The following CROCC variants were observed in gnomAD, a reference collection of about 807,000 sequenced individuals.
CROCC encodes rootletin.
CROCC carries 180 observed loss-of-function variants against 245.2 expected under a neutral mutation model. That is an observed-to-expected ratio of 0.73 (90% confidence interval 0.65 to 0.83). The LOEUF is 0.83. CROCC is among the 40% of genes least tolerant of loss of function. The pLI, the probability that CROCC is intolerant of heterozygous loss-of-function variation, is 0.00. For synonymous variants in CROCC, 1,205 were observed against 1,241.6 expected, an observed-to-expected ratio of 0.97 and a Z score of 0.62; for missense variants, 2,688 against 2,779.4, an observed-to-expected ratio of 0.97 and a Z score of 0.74.
rs2075625892 is a variant in CROCC, at chr1:16,929,896, CA to C, written c.403del (p.Arg135GlyfsTer72). 1 of 1,587,782 alleles carries C rather than the reference CA, an allele frequency of 6.3e-7. No homozygotes were observed. The highest frequency in any genetic ancestry group is 1.8e-5 in the Admixed American group (1 of 55,878). On this transcript the variant is annotated frameshift_variant, in exon 4 of 37. Transcript: ENST00000375541. LOFTEE classifies it high-confidence loss of function. ...CTGGGGAGCTGGAGACGCAGGAGCC[CA>C]GGGGGCTGGTACGGCAGAGCGTGGA... ...EPGELETQEPRGLVRQSVELR... is the reference protein window; with the variant it reads ...EPGELETQEPXGLVRQSVELR...
intron 16 of CROCC, 60 bp from the exon 17 acceptor site, chr1:16,946,701 G>A (rs1168430791): frequency 6.7e-7 from 1 of 1,497,366 alleles, no homozygotes; most frequent in Non-Finnish European, 9.1e-7. Context: ...GGTGGAGGAG[G>A]CGTCCTGGTC....
At chr1:16,941,424 CAAA>C (rs954884941) in intron 13 of CROCC, 1 of 150,250 alleles carries the variant, frequency 6.7e-6, no homozygotes, top group Non-Finnish European at 1.5e-5. Flanking sequence ...GACTCCATCT[CAAA>C]AAAAAAATAA....
At chr1:16,934,888 G>A (rs1347535502) in intron 8 of CROCC, among the ~76,000 whole-genome samples, 9 of 137,626 alleles carry the variant, frequency 6.5e-5, no homozygotes, top group African/African-American at 2.1e-4. Flanking sequence ...ATTATCAGCA[G>A]TTTCTTTTTT....
Position 16,954,652 on chromosome 1 carries a change from G to A in CROCC, c.3322-82G>A. On this transcript the variant is annotated intron_variant, in intron 22 of 36. Transcript: ENST00000375541. The surrounding 1 kb of genome is among the most constrained non-coding windows in gnomAD (Gnocchi z 4.4). Reference sequence around the variant, plus strand: ...AGGGGCCGTGTTTAGAGCTAAAAGTGGACAGTGCACTGAGCGGGTTGGGAG... The same window carrying A: ...AGGGGCCGTGTTTAGAGCTAAAAGTAGACAGTGCACTGAGCGGGTTGGGAG... The A allele has an allele frequency of 6.9e-7, 1 of 1,458,248 alleles. No individual in the cohort carries two copies. Among genetic ancestry groups the A allele is most frequent in the Non-Finnish European group, 9.1e-7 (1 of 1,096,774 alleles). The allele number at this position is 1,458,248 out of a possible 1,614,324, so 90.3% of individuals were successfully genotyped here.
At chr1:16,946,132 A>G (rs189054034) in intron 15 of CROCC, 127 bp from the exon 16 acceptor site, 33,095 of 1,052,896 alleles carry the variant, frequency 0.031, no homozygotes, top group Middle Eastern at 0.049. Flanking sequence ...TCCATCTCAC[A>G]CTGTGTCCCC....
chr1:16,936,697 C>T lies in CROCC; in HGVS notation c.1017C>T (p.Gly339=), dbSNP rs778719341. The stretch of plus-strand genomic sequence containing the variant: ...CATCACGAGCTGTCCAGGAGGCGGG[C>T]CTGGGACTGAGCACGGGCCTACGGC... ...ARTSRAVQEA[G]LGLSTGLRLA... Residue 339 remains glycine, a synonymous_variant, in exon 9 of 37, where the codon GGC becomes GGT. Coordinates refer to ENST00000375541, the MANE Select transcript of CROCC (RefSeq NM_014675.5). The T allele has an allele frequency of 8.1e-6, 13 of 1,604,274 alleles. No homozygotes were observed. Among genetic ancestry groups the T allele is most frequent in the Non-Finnish European group, 1.1e-5 (13 of 1,176,194 alleles).
chr1:16,939,601 T>C (rs1482452227), intron 12 of CROCC, among the ~76,000 whole-genome samples: 7 of 151,330 alleles, frequency 4.6e-5, no homozygotes, highest in Admixed American at 1.3e-4. Flanking sequence ...GCCCTGGGGG[T>C]GGGATCAGAA....
Position 16,938,908 on chromosome 1 carries a change from G to T in CROCC, c.1375-1G>T. ...CTTCTGCCTCCCTCCCCCACCCTCA[G>T]GCCGTCTTGTCAGACTCTGAGAGCG... On this transcript the variant is annotated splice_acceptor_variant, in intron 11 of 36. Coordinates refer to ENST00000375541, the MANE Select transcript of CROCC (RefSeq NM_014675.5). LOFTEE classifies it high-confidence loss of function. 1 of 1,604,204 alleles carries T rather than the reference G, an allele frequency of 6.2e-7. No homozygotes were observed. The highest frequency in any genetic ancestry group is 8.5e-7 in the Non-Finnish European group (1 of 1,177,244).
At chr1:16,936,961 AG>A in intron 9 of CROCC, 88 bp downstream of exon 9, 1 of 1,341,462 alleles carries the variant, frequency 7.5e-7, no homozygotes, top group Non-Finnish European at 1.0e-6. Flanking sequence ...TCTGTTCACT[AG>A]GGGAAGGGCC....
chr1:16,970,161 C>A, intron 33 of CROCC, 92 bp from the exon 34 acceptor site: 1 of 1,338,140 alleles, frequency 7.5e-7, no homozygotes, highest in South Asian at 1.5e-5. Context: ...CCGTCGCCTG[C>A]TCTGTGAGTG....
Position 16,961,049 on chromosome 1 carries a change from C to T in CROCC, c.4324C>T (p.Arg1442Trp). Reference sequence around the variant, plus strand: ...GGGTGGCCTGCGCTCGGCTCTGCGCCGGGGCCTCGGCCTCGGTCGCGCGCC... The same window carrying T: ...GGGTGGCCTGCGCTCGGCTCTGCGCTGGGGCCTCGGCCTCGGTCGCGCGCC... Reference protein sequence around the residue: ...QLGGLRSALRRGLGLGRAPSP... With the variant: ...QLGGLRSALRWGLGLGRAPSP... The change falls in exon 27 of 37, where the codon CGG (arginine) becomes TGG (tryptophan). Residue 1442 changes from arginine to tryptophan, a missense_variant. Arg to Trp is a moderately radical substitution (Grantham distance 101). Coordinates refer to ENST00000375541, the MANE Select transcript of CROCC (RefSeq NM_014675.5). 1.5e-6 allele frequency: 2 copies of T among 1,333,682 alleles called. No individual in the cohort carries two copies. The highest frequency in any genetic ancestry group is 1.9e-6 in the Non-Finnish European group (2 of 1,048,072). 82.6% of individuals were successfully genotyped at this position (1,333,682 alleles called of 1,614,324 possible). A position where few individuals can be genotyped will look rare whatever the true frequency, so the allele number is the denominator to read the frequency against.
At position 16,930,367 on chromosome 1, in the gene CROCC, G is replaced by T. The variant is rs1251099428; in HGVS notation, c.683+20G>T. 6.2e-7 allele frequency: 1 copy of T among 1,611,080 alleles called. No homozygotes were observed. Among genetic ancestry groups the T allele is most frequent in the Non-Finnish European group, 8.5e-7 (1 of 1,179,670 alleles). On this transcript the variant is annotated intron_variant, in intron 6 of 36. Transcript: ENST00000375541. ...GCAGAGGTGAGGGCGCAGCAGGGAG[G>T]GCCAGGGCTGGCAGGATGGCCCCCT...
At position 16,961,010 on chromosome 1, in the gene CROCC, G is replaced by A. The variant is rs1341886950; in HGVS notation, c.4285G>A (p.Ala1429Thr). 1.5e-5 allele frequency: 19 copies of A among 1,304,322 alleles called. No homozygotes were observed. Among genetic ancestry groups the A allele is most frequent in the Non-Finnish European group, 1.5e-5 (15 of 1,033,348 alleles). 80.8% of individuals were successfully genotyped at this position (1,304,322 alleles called of 1,614,324 possible). Residue 1429 changes from alanine to threonine, a missense_variant, in exon 27 of 37, where the codon GCG (alanine) becomes ACG (threonine). Around this residue, in one of 9 missense-constraint regions of CROCC, gnomAD observed 1,218 missense variants for 1,286.3 expected, o/e 0.95. Coordinates refer to ENST00000375541, the MANE Select transcript of CROCC (RefSeq NM_014675.5). Reference protein sequence around the residue: ...LARVEVQRRAAEAQLGGLRSA... With the variant: ...LARVEVQRRATEAQLGGLRSA... ...CCGCGTGGAGGTGCAGCGGCGCGCG[G>A]CGGAGGCCCAGCTGGGTGGCCTGCG...
chr1:16,961,382 TCCCTCCTCA>T (rs1308619682), intron 27 of CROCC, among the ~76,000 whole-genome samples: 1 of 151,948 alleles, frequency 6.6e-6, no homozygotes, highest in East Asian at 1.9e-4. Context: ...CAAGTGGTCC[TCCCTCCTCA>T]GCCTCCTGAG....
In CROCC at chr1:16,929,844, A is replaced by G; in HGVS notation, c.352-2A>G. On this transcript the variant is annotated splice_acceptor_variant, in intron 3 of 36. Transcript: ENST00000375541. LOFTEE classifies it high-confidence loss of function. ...ACTCTCACCCAGGGCCCTTCCCTGC[A>G]GCTGGAGCAGGCTCTGCGGCTGGAG... is the stretch of plus-strand genomic sequence containing the variant. 6.5e-7 allele frequency: 1 copy of G among 1,549,476 alleles called. No individual in the cohort carries two copies. Among genetic ancestry groups the G allele is most frequent in the East Asian group, 2.3e-5 (1 of 42,990 alleles).
chr1:16,921,129 G>A (rs1029237536), upstream of CROCC, among the ~76,000 whole-genome samples: 1 of 152,284 alleles, frequency 6.6e-6, no homozygotes. Context: ...CATGTCATGT[G>A]CTGGGTATGC....
Position 16,940,041 on chromosome 1 carries a change from G to C in CROCC, c.1756G>C (p.Asp586His), listed in dbSNP as rs9435714. 348,966 of 1,572,448 alleles carry C rather than the reference G, an allele frequency of 0.22. 3 individuals carry two copies. Among genetic ancestry groups the C allele is most frequent in the East Asian group, 0.4 (17,442 of 43,870 alleles). The change falls in exon 13 of 37, where the codon GAC becomes CAC. Residue 586 changes from aspartate (D) to histidine (H), a missense_variant. Coordinates refer to ENST00000375541, the MANE Select transcript of CROCC (RefSeq NM_014675.5). Reference sequence around the variant, plus strand: ...CGACGGCGCCATGCAGGCCCACGAGGACGCCCAGCGCGAGGTGCAGCGGCT... The same window carrying C: ...CGACGGCGCCATGCAGGCCCACGAGCACGCCCAGCGCGAGGTGCAGCGGCT... ...KTDGAMQAHE[D>H]AQREVQRLRS...
chr1:16,949,839 G>A (rs1342894118), intron 19 of CROCC, among the ~76,000 whole-genome samples: 2 of 151,946 alleles, frequency 1.3e-5, no homozygotes, highest in Admixed American at 6.6e-5. Flanking sequence ...GCACTATCTC[G>A]GCTCACCTCA....
chr1:16,946,459 A>T, intron 16 of CROCC, 54 bp downstream of exon 16: 1 of 1,589,298 alleles, frequency 6.3e-7, no homozygotes, highest in Non-Finnish European at 8.6e-7. Context: ...CTCCCCACTC[A>T]GTGAGGCACC....
Sources: allele counts gnomAD v4.1 joint callset (sites outside exome capture counted in the v4.1 genomes callset), GRCh38; gene constraint gnomAD v4.1.1; regional missense constraint gnomAD v4.1.1; non-coding constraint Gnocchi (gnomAD v3.1); transcripts MANE v1.5; gene names NCBI Gene and HGNC (gene_info 2026-07-23, HGNC 2026-07-21).